Variants in MEI1 observed in about 807,000 individuals in gnomAD.
The protein encoded by MEI1 is meiotic double-stranded break formation protein 1.
Under a neutral mutation model 146.2 loss-of-function variants are expected in MEI1, and 103 were observed. That is an observed-to-expected ratio of 0.70 (90% CI 0.60 to 0.83). The LOEUF is 0.83. Ranked by LOEUF, MEI1 falls within the 40% of genes least tolerant of loss-of-function variation. The pLI, the probability that MEI1 is intolerant of heterozygous loss-of-function variation, is 0.00. For missense variants in MEI1, 1,529 were observed against 1,533.0 expected, an observed-to-expected ratio of 1.00 and a Z score of 0.04; for synonymous variants, 652 against 628.2, an observed-to-expected ratio of 1.04 and a Z score of -0.57.
rs202121812 is a variant in MEI1 at position 41,795,423 on chromosome 22, C to T, written c.3547C>T (p.Arg1183Trp). ...CTTCCTGGGCCAGTTTATGCGGTAC[C>T]GGAGTAGCAGTGTCCTCTCTCATGA... ...LRLMTLFMRY[R>W]SSSVLSHEEV... Residue 1183 changes from arginine to tryptophan, a missense_variant, in exon 29 of 31, where the codon CGG becomes TGG. Around this residue, in one of 3 missense-constraint regions of MEI1, gnomAD observed 313 missense variants for 337.3 expected, o/e 0.93. Transcript: ENST00000401548. This position sits in a 1 kb window ranked among gnomAD's most constrained non-coding sequence, Gnocchi z 4.2. 1.5e-4 allele frequency: 246 copies of T among 1,613,616 alleles called. No individual in the cohort carries two copies. The highest frequency in any genetic ancestry group is 1.4e-3 in the African/African-American group (106 of 74,912).
intron 3 of MEI1, among the ~76,000 whole-genome samples, chr22:41,711,848 A>G (rs1273372335): frequency 6.6e-6 from 1 of 151,884 alleles, no homozygotes; most frequent in Non-Finnish European, 1.5e-5. Context: ...GAACTTGCCT[A>G]TAATTCTTTT....
intron 20 of MEI1, among the ~76,000 whole-genome samples, chr22:41,773,894 A>G (rs956769812): frequency 6.6e-6 from 1 of 152,178 alleles, no homozygotes; most frequent in Non-Finnish European, 1.5e-5. Context: ...AAACAAAACA[A>G]AAGAACAGCA....
intron 1 of MEI1, among the ~76,000 whole-genome samples, chr22:41,701,225 C>T (rs1340288246): frequency 6.6e-6 from 1 of 152,092 alleles, no homozygotes; most frequent in African/African-American, 2.4e-5. Context: ...AGACGTGAGC[C>T]ACCACACCCG....
chr22:41,786,725 T>G (rs576978412), intron 26 of MEI1, among the ~76,000 whole-genome samples: 1 of 152,162 alleles, frequency 6.6e-6, no homozygotes, highest in Non-Finnish European at 1.5e-5. Context: ...TGGTCAACTC[T>G]CCATAGCCCA....
At chr22:41,729,387 C>T (rs1462101911) in intron 7 of MEI1, among the ~76,000 whole-genome samples, 1 of 152,132 alleles carries the variant, frequency 6.6e-6, no homozygotes, top group African/African-American at 2.4e-5. Flanking sequence ...TTAATGAAGG[C>T]TTGAGCACTT....
At position 41,743,150 on chromosome 22, in the gene MEI1, C is replaced by A; in HGVS notation, c.1402C>A (p.Arg468=). The change falls in exon 12 of 31, where the codon CGA becomes AGA. Residue 468 remains arginine, a synonymous_variant. Coordinates refer to ENST00000401548, the MANE Select transcript of MEI1 (RefSeq NM_152513.4). The stretch of plus-strand genomic sequence containing the variant: ...GGCTTTGCTAGAAGCCATGCTAAAC[C>A]GATGTGCGGAGTTTTCCCAGACCTT... ...LQALLEAMLN[R]CAEFSQTLLS... 1 of 1,613,256 alleles carries A rather than the reference C, an allele frequency of 6.2e-7. No individual in the cohort carries two copies. The highest frequency in any genetic ancestry group is 1.1e-5 in the South Asian group (1 of 91,020).
chr22:41,720,947 AT>A (rs994663020), intron 6 of MEI1, among the ~76,000 whole-genome samples: 49 of 135,148 alleles, frequency 3.6e-4, no homozygotes, highest in South Asian at 9.5e-4. Flanking sequence ...AATTTTTTGA[AT>A]TTTTTTTTTT....
intron 4 of MEI1, among the ~76,000 whole-genome samples, chr22:41,715,316 C>T (rs969690568): frequency 6.6e-6 from 1 of 152,040 alleles, no homozygotes; most frequent in Non-Finnish European, 1.5e-5. Context: ...ACTATTGACT[C>T]TCCCTGTAAA....
intron 6 of MEI1, 25 bp downstream of exon 6, chr22:41,718,299 AG>A: frequency 6.2e-7 from 1 of 1,605,122 alleles, no homozygotes; most frequent in Non-Finnish European, 8.5e-7. Context: ...TGGAGAAAAA[AG>A]GGAGAATAAG....
intron 30 of MEI1, among the ~76,000 whole-genome samples, chr22:41,797,603 C>T (rs1258931070): frequency 1.3e-5 from 2 of 152,096 alleles, no homozygotes; most frequent in Admixed American, 6.5e-5. Context: ...CAGAGCAAGA[C>T]TCCGTCTCAA....
intron 15 of MEI1, among the ~76,000 whole-genome samples, chr22:41,748,807 T>C (rs1320319024): frequency 6.8e-6 from 1 of 147,332 alleles, no homozygotes; most frequent in Non-Finnish European, 1.5e-5. Context: ...AGAACATGCT[T>C]TTTTTTTTTT....
At position 41,781,269 on chromosome 22, in the gene MEI1, T is replaced by G. The variant is rs768610814; in HGVS notation, c.2816-15T>G. On this transcript the variant is annotated splice_polypyrimidine_tract_variant and intron_variant, in intron 22 of 30. Coordinates refer to ENST00000401548, the MANE Select transcript of MEI1 (RefSeq NM_152513.4). ...GTTTTGCGACAGGCCGACTGGGGACTTTCATCTCTTGCAGTAAGCAAGCTG... is the reference window on the plus strand; with the variant it reads ...GTTTTGCGACAGGCCGACTGGGGACGTTCATCTCTTGCAGTAAGCAAGCTG... 32 of 1,598,846 alleles carry G rather than the reference T, an allele frequency of 2.0e-5. No individual in the cohort carries two copies. The Admixed American group carries it at 5.5e-4, about 27-fold the overall frequency.
At chr22:41,699,827 C>T in intron 1 of MEI1, 115 bp downstream of exon 1, 1 of 1,293,988 alleles carries the variant, frequency 7.7e-7, no homozygotes, top group Non-Finnish European at 1.0e-6. Context: ...CGGGCCCCCG[C>T]GCTGTGTTCA....
At chr22:41,754,963 T>C (rs1450456917) in intron 17 of MEI1, among the ~76,000 whole-genome samples, 2 of 152,058 alleles carry the variant, frequency 1.3e-5, no homozygotes, top group African/African-American at 4.8e-5. Flanking sequence ...AAGGCCTCCA[T>C]GTGGAAGTGG....
rs1354775885 is a variant in MEI1 at position 41,714,015 on chromosome 22, C to A, written c.363C>A (p.Ile121=). The change falls in exon 4 of 31, where the codon ATC becomes ATA. Residue 121 remains isoleucine, a synonymous_variant. Transcript: ENST00000401548. ...TDLCIEVLIQ[I]TTQLKLEQTI... Reference sequence around the variant, plus strand: ...GTGTCTGTTCAGTCCTTATTCAGATCACAACGCAGCTGAAGCTGGAGCAGA... The same window carrying A: ...GTGTCTGTTCAGTCCTTATTCAGATAACAACGCAGCTGAAGCTGGAGCAGA... The A allele has an allele frequency of 2.5e-6, 4 of 1,592,410 alleles. No homozygotes were observed. Among genetic ancestry groups the A allele is most frequent in the Non-Finnish European group, 3.4e-6 (4 of 1,169,422 alleles).
At chr22:41,759,590 A>G (rs888554939) in intron 18 of MEI1, 2 of 151,936 alleles carry the variant, frequency 1.3e-5, no homozygotes, top group African/African-American at 4.8e-5. Flanking sequence ...AGATCGTGCC[A>G]CTGCACTCCA....
At chr22:41,790,235 A>C (rs1412266577) in intron 26 of MEI1, among the ~76,000 whole-genome samples, 2 of 152,064 alleles carry the variant, frequency 1.3e-5, no homozygotes, top group African/African-American at 4.8e-5. Context: ...GGCACTTGCC[A>C]CCATACCTGG....
intron 15 of MEI1, among the ~76,000 whole-genome samples, chr22:41,750,952 G>A (rs2073704578): frequency 6.6e-6 from 1 of 152,148 alleles, no homozygotes; most frequent in Non-Finnish European, 1.5e-5. Context: ...CGCTGGATGG[G>A]AGGCAAGTGT....
intron 11 of MEI1, among the ~76,000 whole-genome samples, chr22:41,741,931 A>C (rs952166005): frequency 7.6e-6 from 1 of 131,276 alleles, no homozygotes; most frequent in Non-Finnish European, 1.6e-5. Flanking sequence ...TGACAGAGCG[A>C]GACTCCATCT....
Sources: gnomAD v4.1 joint callset for allele counts (sites outside exome capture counted in the v4.1 genomes callset) on GRCh38, gnomAD v4.1.1 for gene constraint, gnomAD v4.1.1 regional missense constraint, Gnocchi (gnomAD v3.1) non-coding constraint, MANE v1.5 for transcripts, NCBI Gene and HGNC (gene_info 2026-07-23, HGNC 2026-07-21) for gene names.